ZNRF1: variants seen among roughly 807,000 people sequenced by gnomAD.
ZNRF1 encodes zinc and ring finger 1.
In ZNRF1, 3 loss-of-function variants were observed where a neutral mutation model predicts 18.4. That is an observed-to-expected ratio of 0.16 (90% CI 0.07 to 0.42). ZNRF1 has a LOEUF of 0.42. Among genes scored for constraint, ZNRF1 ranks in the 10% least tolerant of loss-of-function variants. ZNRF1 has a pLI of 0.99. For synonymous variants in ZNRF1, 157 were observed against 144.2 expected (o/e 1.09, Z -0.64); for missense variants, 310 against 329.8 (o/e 0.94, Z 0.47).
intron 1 of ZNRF1, among the ~76,000 whole-genome samples, chr16:75,055,812 C>G (rs1004150297): frequency 6.6e-6 from 1 of 152,154 alleles, no homozygotes; most frequent in Non-Finnish European, 1.5e-5. Context: ...TAGTTATTGC[C>G]TTTCCTACTA....
At chr16:75,061,627 C>A (rs563415200) in intron 1 of ZNRF1, among the ~76,000 whole-genome samples, 4 of 152,108 alleles carry the variant, frequency 2.6e-5, no homozygotes, top group African/African-American at 9.6e-5. Context: ...TTTAAACATT[C>A]ATCTGTTGAT....
chr16:75,080,253 C>T (rs2035993554), intron 1 of ZNRF1, among the ~76,000 whole-genome samples: 1 of 152,196 alleles, frequency 6.6e-6, no homozygotes, highest in African/African-American at 2.4e-5. Flanking sequence ...CAGCAGCACA[C>T]ATTCTGCATC....
intron 1 of ZNRF1, among the ~76,000 whole-genome samples, chr16:75,068,949 C>T (rs1481206700): frequency 1.3e-5 from 2 of 151,322 alleles, no homozygotes; most frequent in Admixed American, 6.6e-5. Context: ...TTAAAAAATT[C>T]GAGGGTCCCA....
At chr16:75,047,388 G>T (rs2035529110) in intron 1 of ZNRF1, among the ~76,000 whole-genome samples, 2 of 152,162 alleles carry the variant, frequency 1.3e-5, no homozygotes, top group Admixed American at 6.5e-5. Flanking sequence ...GCCCAGGCTG[G>T]TCTTGAACTC....
At chr16:75,049,530 C>T (rs1291035647) in intron 1 of ZNRF1, among the ~76,000 whole-genome samples, 1 of 152,120 alleles carries the variant, frequency 6.6e-6, no homozygotes, top group African/African-American at 2.4e-5. Flanking sequence ...GGTGCAGTGG[C>T]TCACACCTGT....
At chr16:75,087,742 C>CCTCTGT (rs1465915986) in intron 1 of ZNRF1, among the ~76,000 whole-genome samples, 1 of 152,254 alleles carries the variant, frequency 6.6e-6, no homozygotes, top group South Asian at 2.1e-4. Context: ...CCTGCCTCTG[C>CCTCTGT]CTCTGTCTGG....
At chr16:75,031,133 A>G (rs961975696) in intron 1 of ZNRF1, among the ~76,000 whole-genome samples, 2 of 116,800 alleles carry the variant, frequency 1.7e-5, no homozygotes, top group African/African-American at 6.7e-5. Context: ...ACTGCGCCCC[A>G]CCTGTTTTTT....
intron 1 of ZNRF1, among the ~76,000 whole-genome samples, chr16:75,028,886 C>T (rs1461463102): frequency 1.3e-5 from 2 of 152,170 alleles, no homozygotes; most frequent in African/African-American, 2.4e-5. Context: ...AGTTTTCTTC[C>T]TATCTCTCTC....
chr16:75,089,097 A>G (rs1476422370), intron 1 of ZNRF1, among the ~76,000 whole-genome samples: 2 of 151,966 alleles, frequency 1.3e-5, no homozygotes, highest in Admixed American at 6.6e-5. Context: ...ATAGACACCA[A>G]CTTACTCATT....
chr16:75,104,214 G>T (rs1170859480), intron 2 of ZNRF1: 1 of 152,466 alleles, frequency 6.6e-6, no homozygotes, highest in East Asian at 1.9e-4. Context: ...TCTTGGCTTA[G>T]TAATATTCCA....
chr16:75,010,888 T>TAC (rs2034991654), intron 1 of ZNRF1, among the ~76,000 whole-genome samples: 1 of 152,018 alleles, frequency 6.6e-6, no homozygotes, highest in African/African-American at 2.4e-5. Context: ...TTTTGTACTT[T>TAC]TAGTAGAGAT....
intron 1 of ZNRF1, among the ~76,000 whole-genome samples, chr16:75,071,733 G>A (rs893843697): frequency 6.6e-6 from 1 of 152,092 alleles, no homozygotes; most frequent in African/African-American, 2.4e-5. Context: ...GCTGTTTGGG[G>A]AAAATACAAT....
intron 2 of ZNRF1, chr16:75,095,868 C>T (rs982525585): frequency 1.1e-6 from 1 of 935,236 alleles, no homozygotes; most frequent in Non-Finnish European, 1.5e-6. Flanking sequence ...CCCTACACCC[C>T]ACCACCGGCA....
At chr16:75,066,178 A>G (rs1300159015) in intron 1 of ZNRF1, among the ~76,000 whole-genome samples, 1 of 152,226 alleles carries the variant, frequency 6.6e-6, no homozygotes, top group East Asian at 1.9e-4. Flanking sequence ...AACAGATACT[A>G]ATGTTTAATC....
intron 2 of ZNRF1, among the ~76,000 whole-genome samples, chr16:75,097,205 C>G (rs1035533924): frequency 6.6e-6 from 1 of 152,162 alleles, no homozygotes; most frequent in Non-Finnish European, 1.5e-5. Flanking sequence ...AATTTTGACC[C>G]TCGAGTCTCT....
intron 1 of ZNRF1, among the ~76,000 whole-genome samples, chr16:75,069,901 C>T (rs2035850043): frequency 6.6e-6 from 1 of 152,174 alleles, no homozygotes; most frequent in South Asian, 2.1e-4. Flanking sequence ...GCAGCCCATT[C>T]CCCTTGTAGA....
intron 1 of ZNRF1, among the ~76,000 whole-genome samples, chr16:75,071,327 T>TAG (rs576764409): frequency 1.1e-4 from 16 of 152,184 alleles, no homozygotes; most frequent in Non-Finnish European, 2.1e-4. Context: ...CTCGAACTCC[T>TAG]GACCTCAAGC....
At chr16:75,010,571 T>C (rs1472454255) in intron 1 of ZNRF1, among the ~76,000 whole-genome samples, 1 of 152,154 alleles carries the variant, frequency 6.6e-6, no homozygotes, top group East Asian at 1.9e-4. Flanking sequence ...CTCATCTTGG[T>C]CTTGGTGAAT....
chr16:75,056,875 G>A (rs2035674108), intron 1 of ZNRF1, among the ~76,000 whole-genome samples: 1 of 152,110 alleles, frequency 6.6e-6, no homozygotes, highest in Non-Finnish European at 1.5e-5. Flanking sequence ...GACCTCATGT[G>A]ATCCACCCGC....
Sources: gnomAD v4.1 joint callset for allele counts (sites outside exome capture counted in the v4.1 genomes callset) on GRCh38, gnomAD v4.1.1 for gene constraint, MANE v1.5 for transcripts, NCBI Gene and HGNC (gene_info 2026-07-23, HGNC 2026-07-21) for gene names.